Variants in CCDC102B observed in about 807,000 individuals in gnomAD.
CCDC102B encodes the protein coiled-coil domain-containing protein 102B.
In CCDC102B, 75 loss-of-function variants were observed where a neutral mutation model predicts 57.4. The observed-to-expected ratio is 1.31, with a 90% CI of 1.08 to 1.58. The LOEUF (loss-of-function observed/expected upper bound fraction) is 1.58, where lower values mean the gene tolerates loss of function less well. CCDC102B is among the 40% of genes most tolerant of loss of function. CCDC102B has a pLI of 0.00. For synonymous variants in CCDC102B, 206 were observed against 201.9 expected, an observed-to-expected ratio of 1.02 and a Z score of -0.17; for missense variants, 636 against 582.6, an observed-to-expected ratio of 1.09 and a Z score of -0.94.
At chr18:68,911,643 T>G (rs2040864009) in intron 6 of CCDC102B, among the ~76,000 whole-genome samples, 2 of 145,542 alleles carry the variant, frequency 1.4e-5, no homozygotes, top group South Asian at 4.4e-4. Flanking sequence ...TCCCAGCTAC[T>G]CGAGAGGCTG....
rs866133958 is a variant in CCDC102B, at chr18:69,031,618, T to G, written c.1434+20514T>G. On this transcript the variant is annotated intron_variant, in intron 7 of 7. Transcript: ENST00000360242. ...TTTAAATATTACATTTGTTACTAAT[T>G]TGTTTTTTTCTTTTTCAAAACTTTT... 9.2e-5 allele frequency among the ~76,000 whole-genome samples: 14 copies of G among 152,266 alleles called. No homozygotes were observed. In the South Asian group the frequency reaches 2.9e-3, roughly 32 times the overall value.
intron 2 of CCDC102B, among the ~76,000 whole-genome samples, chr18:68,773,358 A>C (rs1164998827): frequency 6.6e-6 from 1 of 152,034 alleles, no homozygotes; most frequent in Non-Finnish European, 1.5e-5. Context: ...ATATCCAAGA[A>C]GTTAGTTTGC....
intron 6 of CCDC102B, among the ~76,000 whole-genome samples, chr18:68,997,429 A>G (rs1490126588): frequency 6.6e-6 from 1 of 152,118 alleles, no homozygotes; most frequent in Non-Finnish European, 1.5e-5. Flanking sequence ...TTTATCGGTA[A>G]GCATGTGCTT....
intron 7 of CCDC102B, among the ~76,000 whole-genome samples, chr18:69,020,435 A>C (rs1044286491): frequency 5.9e-5 from 9 of 152,144 alleles, no homozygotes; most frequent in Admixed American, 5.2e-4. Context: ...GTTAAAGTCG[A>C]ATACAATGAT....
intron 4 of CCDC102B, among the ~76,000 whole-genome samples, chr18:68,864,250 T>C (rs1390513694): frequency 6.6e-6 from 1 of 152,046 alleles, no homozygotes; most frequent in Non-Finnish European, 1.5e-5. Context: ...CTGTTCCTTC[T>C]AGTTTATTCT....
At chr18:68,720,497 T>A (rs1193011509) in intron 2 of CCDC102B, among the ~76,000 whole-genome samples, 1 of 152,210 alleles carries the variant, frequency 6.6e-6, no homozygotes, top group African/African-American at 2.4e-5. Context: ...TTCTTTCATT[T>A]TAAAGCGTTC....
Position 68,837,239 on chromosome 18 carries a change from A to G in CCDC102B, c.476A>G (p.Lys159Arg), listed in dbSNP as rs773487264. 1.9e-6 allele frequency: 3 copies of G among 1,614,162 alleles called. No homozygotes were observed. In the Middle Eastern group the frequency reaches 4.9e-4, roughly 266 times the overall value. Reference sequence around the variant, plus strand: ...GAAGCTAAAGTTACCCAGGATCTGAAGCTTCCTGGCTTCGTAGAAGAATCC... The same window carrying G: ...GAAGCTAAAGTTACCCAGGATCTGAGGCTTCCTGGCTTCGTAGAAGAATCC... ...ALEAKVTQDL[K>R]LPGFVEESCE... The change falls in exon 2 of 8, where the codon AAG becomes AGG. Residue 159 changes from lysine (K) to arginine (R), a missense_variant. Transcript: ENST00000360242.
rs143364237 is a variant in CCDC102B, at chr18:68,967,599, T to C, written c.1264-43335T>C. On this transcript the variant is annotated intron_variant, in intron 6 of 7. Transcript: ENST00000360242. ...GTATTACATACTATCTTAGGTGTTA[T>C]AGAAATTAAAAATAAAGATATTCCA... Among the ~76,000 whole-genome samples, 22 of 152,266 alleles carry C rather than the reference T, an allele frequency of 1.4e-4. No individual in the cohort carries two copies. In the East Asian group the frequency reaches 4.1e-3, roughly 28 times the overall value.
intron 1 of CCDC102B, among the ~76,000 whole-genome samples, chr18:68,835,817 C>T (rs1180596372): frequency 6.6e-6 from 1 of 152,148 alleles, no homozygotes; most frequent in Admixed American, 6.5e-5. Context: ...ACACGGAAGG[C>T]AGAGGAAAGA....
intron 7 of CCDC102B, among the ~76,000 whole-genome samples, chr18:69,046,849 G>A (rs2052579943): frequency 6.6e-6 from 1 of 152,086 alleles, no homozygotes; most frequent in Admixed American, 6.6e-5. Context: ...TTATTCAATA[G>A]AGAGTCCTTT....
chr18:68,886,187 C>G (rs2039877844), intron 5 of CCDC102B, among the ~76,000 whole-genome samples: 1 of 151,674 alleles, frequency 6.6e-6, no homozygotes, highest in Non-Finnish European at 1.5e-5. Flanking sequence ...AGGCAAACAG[C>G]TTAAGACTGT....
chr18:68,949,073 G>A (rs984925398), intron 6 of CCDC102B, among the ~76,000 whole-genome samples: 7 of 152,054 alleles, frequency 4.6e-5, no homozygotes, highest in Non-Finnish European at 2.9e-5. Context: ...AGGGTAGGCC[G>A]GTCTCGCCTT....
At chr18:68,965,438 A>G (rs865862157) in intron 6 of CCDC102B, among the ~76,000 whole-genome samples, 3 of 150,130 alleles carry the variant, frequency 2.0e-5, no homozygotes, top group Non-Finnish European at 3.0e-5. Flanking sequence ...GAGACTTTCT[A>G]TTTTTTTCTG....
intron 6 of CCDC102B, among the ~76,000 whole-genome samples, chr18:69,000,737 C>T (rs547266759): frequency 6.6e-6 from 1 of 152,220 alleles, no homozygotes; most frequent in African/African-American, 2.4e-5. Flanking sequence ...CTCAGAGATA[C>T]TTATTTTTGA....
At chr18:68,788,188 G>A (rs2035284528) in intron 2 of CCDC102B, among the ~76,000 whole-genome samples, 1 of 152,186 alleles carries the variant, frequency 6.6e-6, no homozygotes, top group Non-Finnish European at 1.5e-5. Flanking sequence ...ACTGTGGTCT[G>A]AGAGAGAGTT....
chr18:69,012,925 CAATAT>C (rs1259188254), intron 7 of CCDC102B, among the ~76,000 whole-genome samples: 3 of 151,908 alleles, frequency 2.0e-5, no homozygotes, highest in African/African-American at 7.3e-5. Context: ...GACACTGCTC[CAATAT>C]AAGAACAAGC....
intron 4 of CCDC102B, among the ~76,000 whole-genome samples, chr18:68,870,502 T>C (rs1047038685): frequency 6.6e-6 from 1 of 152,078 alleles, no homozygotes; most frequent in African/African-American, 2.4e-5. Flanking sequence ...GAGAAACAAC[T>C]CTTAGAATGA....
intron 7 of CCDC102B, among the ~76,000 whole-genome samples, chr18:69,016,861 G>T (rs149021366): frequency 4.0e-4 from 61 of 152,144 alleles, no homozygotes; most frequent in Middle Eastern, 3.4e-3. Flanking sequence ...TTAGCTAAAT[G>T]ATATAAATAT....
intron 4 of CCDC102B, among the ~76,000 whole-genome samples, chr18:68,851,801 T>G (rs1028206780): frequency 6.6e-6 from 1 of 152,044 alleles, no homozygotes; most frequent in Admixed American, 6.6e-5. Context: ...ATATAAGGAG[T>G]GAAGTCTCTA....
Sources: gnomAD v4.1 joint callset for allele counts (sites outside exome capture counted in the v4.1 genomes callset) on GRCh38, gnomAD v4.1.1 for gene constraint, MANE v1.5 for transcripts, NCBI Gene and HGNC (gene_info 2026-07-23, HGNC 2026-07-21) for gene names.